The following GALNT13 variants were observed in gnomAD, a reference collection of about 807,000 sequenced individuals.
GALNT13 encodes UDP-GalNAc:polypeptide N-acetylgalactosaminyltransferase 13.
GALNT13 carries 28 observed loss-of-function variants against 64.2 expected under a neutral mutation model. The observed-to-expected ratio is 0.44, with a 90% CI of 0.32 to 0.60. The LOEUF is 0.60. Among genes scored for constraint, GALNT13 ranks in the 20% least tolerant of loss-of-function variants. The pLI, the probability that GALNT13 is intolerant of heterozygous loss-of-function variation, is 0.05. For synonymous variants in GALNT13, 214 were observed against 224.6 expected, an observed-to-expected ratio of 0.95 and a Z score of 0.42; for missense variants, 577 against 669.8, an observed-to-expected ratio of 0.86 and a Z score of 1.53.
chr2:153,259,837 TA>T, the GALNT13 span, among the ~76,000 whole-genome samples: 3 of 152,206 alleles, frequency 2.0e-5, no homozygotes, highest in African/African-American at 7.2e-5. Context: ...GCCACGTTGT[TA>T]TTTTTTTAAA....
the GALNT13 span, among the ~76,000 whole-genome samples, chr2:153,770,070 T>C: frequency 6.6e-6 from 1 of 152,190 alleles, no homozygotes; most frequent in African/African-American, 2.4e-5. Context: ...ATTTCAAACA[T>C]TTCATTTTGG....
At chr2:153,400,593 C>T in the GALNT13 span, among the ~76,000 whole-genome samples, 1 of 152,136 alleles carries the variant, frequency 6.6e-6, no homozygotes, top group Non-Finnish European at 1.5e-5. Flanking sequence ...ATTATTGCCA[C>T]AATTTCAGCT....
At chr2:154,055,401 A>G (rs1699847753) in intron 3 of GALNT13, among the ~76,000 whole-genome samples, 1 of 152,058 alleles carries the variant, frequency 6.6e-6, no homozygotes, top group Admixed American at 6.5e-5. Context: ...TAGTATTTAT[A>G]ATGTAATCAC....
At chr2:153,897,439 T>C (rs1687959764) in intron 1 of GALNT13, among the ~76,000 whole-genome samples, 1 of 152,118 alleles carries the variant, frequency 6.6e-6, no homozygotes, top group Non-Finnish European at 1.5e-5. Context: ...TGTGTTCTTC[T>C]CAAGTGCATC....
chr2:153,576,248 C>T, the GALNT13 span, among the ~76,000 whole-genome samples: 5 of 152,154 alleles, frequency 3.3e-5, no homozygotes, highest in African/African-American at 7.2e-5. Flanking sequence ...CTAAGTCTTC[C>T]GTAGCTGCCC....
chr2:154,451,843 T>G lies in GALNT13; in HGVS notation c.*1292T>G, dbSNP rs536445973. The G allele has an allele frequency of 6.6e-6, 1 of 152,258 alleles. No individual in the cohort carries two copies. Among genetic ancestry groups the G allele is most frequent in the African/African-American group, 2.4e-5 (1 of 41,570 alleles). The allele number at this position is 152,258 out of a possible 1,614,324, so 9.4% of individuals were successfully genotyped here. A position where few individuals can be genotyped will look rare whatever the true frequency, so the allele number is the denominator to read the frequency against. On this transcript the variant is annotated 3_prime_UTR_variant, in exon 13 of 13. Coordinates refer to ENST00000392825, the MANE Select transcript of GALNT13 (RefSeq NM_052917.4). ...TGCCCTATATATGCATGTTATCCATTATAAATGCACTCAGCAGCTAAGAGA... is the reference window on the plus strand; with the variant it reads ...TGCCCTATATATGCATGTTATCCATGATAAATGCACTCAGCAGCTAAGAGA...
chr2:153,452,396 G>A, the GALNT13 span, among the ~76,000 whole-genome samples: 5 of 151,912 alleles, frequency 3.3e-5, no homozygotes, highest in African/African-American at 9.7e-5. Flanking sequence ...TGAAAGAATC[G>A]CTTGAACCCA....
the GALNT13 span, among the ~76,000 whole-genome samples, chr2:153,167,093 C>A: frequency 4.6e-5 from 7 of 152,330 alleles, no homozygotes; most frequent in African/African-American, 1.7e-4. Flanking sequence ...TTGTTTTAAG[C>A]TGCTAAATTT....
intron 9 of GALNT13, among the ~76,000 whole-genome samples, chr2:154,369,335 C>A (rs1380251292): frequency 6.6e-6 from 1 of 151,910 alleles, no homozygotes; most frequent in Non-Finnish European, 1.5e-5. Flanking sequence ...ATAGAAGCTT[C>A]AATTTTCTTG....
chr2:154,301,311 C>A, intron 8 of GALNT13, 98 bp from the exon 9 acceptor site: 3 of 1,054,794 alleles, frequency 2.8e-6, no homozygotes, highest in Admixed American at 2.2e-5. Context: ...CAGATATTTG[C>A]TTGAAACATG....
chr2:153,374,857 C>T, the GALNT13 span, among the ~76,000 whole-genome samples: 1 of 152,276 alleles, frequency 6.6e-6, no homozygotes, highest in East Asian at 1.9e-4. Flanking sequence ...TTTTCCCTCA[C>T]CTCTTCAGCA....
chr2:154,439,999 A>G (rs1353019881), intron 12 of GALNT13, among the ~76,000 whole-genome samples: 2 of 152,166 alleles, frequency 1.3e-5, no homozygotes, highest in Non-Finnish European at 2.9e-5. Context: ...TATTAAGCCT[A>G]CAGAAAACAG....
At chr2:153,929,316 G>T (rs1433026766) in intron 2 of GALNT13, among the ~76,000 whole-genome samples, 2 of 152,104 alleles carry the variant, frequency 1.3e-5, no homozygotes, top group Non-Finnish European at 2.9e-5. Context: ...CAGCCCTACT[G>T]TACAGAAATC....
intron 4 of GALNT13, among the ~76,000 whole-genome samples, chr2:154,166,292 C>A (rs1170051018): frequency 2.6e-5 from 4 of 152,156 alleles, no homozygotes; most frequent in Admixed American, 2.6e-4. Context: ...GTAATCCTAG[C>A]TGCTCAGGAG....
chr2:153,314,390 G>A, the GALNT13 span, among the ~76,000 whole-genome samples: 2 of 152,128 alleles, frequency 1.3e-5, no homozygotes, highest in Admixed American at 6.5e-5. Flanking sequence ...ACATTAGATC[G>A]GCAAAGAAGT....
intron 1 of GALNT13, among the ~76,000 whole-genome samples, chr2:153,873,313 C>T (rs1256253166): frequency 6.6e-6 from 1 of 152,204 alleles, no homozygotes; most frequent in Non-Finnish European, 1.5e-5. Flanking sequence ...CTCCCCTTGC[C>T]GGGTCCGAGG....
the GALNT13 span, among the ~76,000 whole-genome samples, chr2:153,272,212 C>T: frequency 6.6e-6 from 1 of 152,102 alleles, no homozygotes; most frequent in Non-Finnish European, 1.5e-5. Context: ...GCAAGGACTT[C>T]ATGACTAAAA....
At chr2:154,062,911 T>C (rs1700268451) in intron 3 of GALNT13, among the ~76,000 whole-genome samples, 1 of 152,008 alleles carries the variant, frequency 6.6e-6, no homozygotes, top group Admixed American at 6.6e-5. Context: ...TTAGGAGGAA[T>C]TGCTTTCGTC....
chr2:153,090,461 C>T, the GALNT13 span, among the ~76,000 whole-genome samples: 2 of 152,144 alleles, frequency 1.3e-5, no homozygotes, highest in East Asian at 1.9e-4. Context: ...TGTACACACT[C>T]GGGACCTCTG....
Sources: allele counts gnomAD v4.1 joint callset (sites outside exome capture counted in the v4.1 genomes callset), GRCh38; gene constraint gnomAD v4.1.1; transcripts MANE v1.5; gene names NCBI Gene and HGNC (gene_info 2026-07-23, HGNC 2026-07-21).